Variants in AIM2 observed in about 807,000 individuals in gnomAD.
AIM2 encodes absent in melanoma 2.
AIM2 carries 30 observed loss-of-function variants against 27.7 expected under a neutral mutation model. That is an observed-to-expected ratio of 1.08 (90% CI 0.81 to 1.47). The LOEUF is 1.47. AIM2 is among the 40% of genes most tolerant of loss of function. The probability of loss-of-function intolerance (pLI) is 0.00; values close to 1 mark genes in which losing one functional copy is unlikely to be tolerated. For missense variants in AIM2, 358 were observed against 411.3 expected (o/e 0.87, Z 1.12); for synonymous variants, 141 against 145.3 (o/e 0.97, Z 0.21).
intron 1 of AIM2, among the ~76,000 whole-genome samples, chr1:159,113,953 T>A (rs1392684819): frequency 6.6e-6 from 1 of 152,194 alleles, no homozygotes; most frequent in Non-Finnish European, 1.5e-5. Context: ...AAGGCACAAG[T>A]GTTACAGGAT....
At chr1:159,145,068 C>T (rs897648565), upstream of AIM2, among the ~76,000 whole-genome samples, 1 of 152,146 alleles carries the variant, frequency 6.6e-6, no homozygotes, top group African/African-American at 2.4e-5. Context: ...TTCCTACCTG[C>T]TATCAGCTCC....
downstream of AIM2, chr1:159,062,382 T>C: frequency 5.2e-6 from 2 of 385,230 alleles, no homozygotes; most frequent in South Asian, 6.6e-5. Context: ...TGTTGTCATA[T>C]AGTTTACTTT....
At chr1:159,083,618 T>A (rs1179419339) in intron 1 of AIM2, among the ~76,000 whole-genome samples, 1 of 152,256 alleles carries the variant, frequency 6.6e-6, no homozygotes, top group African/African-American at 2.4e-5. Context: ...TACTAAATTT[T>A]AGCTCTACTA....
chr1:159,117,066 A>G (rs770533019), intron 1 of AIM2, among the ~76,000 whole-genome samples: 16 of 152,242 alleles, frequency 1.1e-4, no homozygotes, highest in African/African-American at 3.1e-4. Context: ...AAAATGAGTA[A>G]GTGGCCAGAA....
At chr1:159,099,975 G>A (rs188176079) in intron 1 of AIM2, among the ~76,000 whole-genome samples, 9 of 152,194 alleles carry the variant, frequency 5.9e-5, no homozygotes, top group South Asian at 2.1e-4. Flanking sequence ...AGCTTCTACC[G>A]TGAGAATCGT....
rs770876017 is a variant in AIM2 at position 159,073,410 on chromosome 1, TGAAA to T, written c.86_89del (p.Leu29GlnfsTer19). On this transcript the variant is annotated frameshift_variant, in exon 2 of 6. Transcript: ENST00000368130. LOFTEE classifies it high-confidence loss of function. ...TGCCTGTGGCAATATTAAACTCGTC[TGAAA>T]GAAAGAACTTAAACCTATCCAGTTC... is the stretch of plus-strand genomic sequence containing the variant. 3.7e-6 allele frequency: 6 copies of T among 1,614,084 alleles called. No homozygotes were observed. Among genetic ancestry groups the T allele is most frequent in the Non-Finnish European group, 5.1e-6 (6 of 1,180,046 alleles).
chr1:159,127,783 T>G (rs1647762987), intron 1 of AIM2, among the ~76,000 whole-genome samples: 1 of 152,226 alleles, frequency 6.6e-6, no homozygotes, highest in Non-Finnish European at 1.5e-5. Flanking sequence ...TTCCCAAGGC[T>G]GGATTTCTCA....
intron 1 of AIM2, among the ~76,000 whole-genome samples, chr1:159,087,008 ACCAC>A: frequency 6.6e-6 from 1 of 152,198 alleles, no homozygotes; most frequent in Non-Finnish European, 1.5e-5. Flanking sequence ...ACCAAGACTC[ACCAC>A]CTTAAAACTC....
chr1:159,064,039 C>T (rs1335432925), intron 4 of AIM2, among the ~76,000 whole-genome samples: 1 of 152,080 alleles, frequency 6.6e-6, no homozygotes, highest in Non-Finnish European at 1.5e-5. Flanking sequence ...ATGTATAACA[C>T]AAAAATATGT....
upstream of AIM2, among the ~76,000 whole-genome samples, chr1:159,141,292 G>C (rs1648105388): frequency 6.6e-6 from 1 of 152,154 alleles, no homozygotes; most frequent in African/African-American, 2.4e-5. Flanking sequence ...GGGAATCAGA[G>C]TGGTTCCAAA....
chr1:159,077,358 T>C (rs1228498018), upstream of AIM2, among the ~76,000 whole-genome samples: 5 of 152,230 alleles, frequency 3.3e-5, no homozygotes, highest in Non-Finnish European at 7.3e-5. Context: ...TTTTCTTGAC[T>C]AAAGATGGTT....
chr1:159,056,717 CAAAAA>C, the AIM2 span, among the ~76,000 whole-genome samples: 2 of 44,184 alleles, frequency 4.5e-5, no homozygotes, highest in South Asian at 1.5e-3. Context: ...GCCCAACCGG[CAAAAA>C]AAAAAAAAAA....
intron 1 of AIM2, among the ~76,000 whole-genome samples, chr1:159,121,239 A>C (rs1446207327): frequency 6.6e-6 from 1 of 152,148 alleles, no homozygotes; most frequent in Admixed American, 6.5e-5. Context: ...GAGCCCTCAA[A>C]AACCATGTTT....
At chr1:159,057,347 G>A in the AIM2 span, among the ~76,000 whole-genome samples, 2 of 152,182 alleles carry the variant, frequency 1.3e-5, no homozygotes, top group African/African-American at 4.8e-5. Context: ...CTGAAGCTGT[G>A]GAATTGAGTC....
At chr1:159,109,418 T>C (rs1657519405) in intron 1 of AIM2, among the ~76,000 whole-genome samples, 1 of 152,142 alleles carries the variant, frequency 6.6e-6, no homozygotes, top group Non-Finnish European at 1.5e-5. Flanking sequence ...TCAAGATGGA[T>C]TAAGGACTGA....
intron 1 of AIM2, among the ~76,000 whole-genome samples, chr1:159,085,584 G>A (rs961498824): frequency 2.6e-5 from 4 of 152,186 alleles, no homozygotes; most frequent in South Asian, 2.1e-4. Flanking sequence ...GAGCTTAGAC[G>A]AAAGGTCAGA....
chr1:159,065,791 G>A, intron 4 of AIM2, 119 bp downstream of exon 4: 2 of 1,121,396 alleles, frequency 1.8e-6, no homozygotes, highest in South Asian at 3.9e-5. Context: ...TTAGAACTTT[G>A]TATTTTTTTA....
intron 1 of AIM2, among the ~76,000 whole-genome samples, chr1:159,128,000 A>T (rs2102046820): frequency 6.6e-6 from 1 of 151,994 alleles, no homozygotes; most frequent in South Asian, 2.1e-4. Context: ...TTCATAACAA[A>T]CTCATTACAA....
At chr1:159,140,230 T>A (rs1436744415) in intron 1 of AIM2, among the ~76,000 whole-genome samples, 3 of 152,318 alleles carry the variant, frequency 2.0e-5, no homozygotes, top group East Asian at 3.9e-4. Context: ...AGAGATAACA[T>A]CTGAATTGGC....
Sources: allele counts gnomAD v4.1 joint callset (sites outside exome capture counted in the v4.1 genomes callset), GRCh38; gene constraint gnomAD v4.1.1; transcripts MANE v1.5; gene names NCBI Gene and HGNC (gene_info 2026-07-23, HGNC 2026-07-21).